Variants in PSMB1 observed in about 807,000 individuals in gnomAD.
PSMB1 encodes proteasome subunit beta type-1.
A neutral mutation model predicts 25.4 loss-of-function variants in PSMB1; 7 were observed. The observed-to-expected ratio is 0.28, with a 90% CI of 0.16 to 0.52. The LOEUF is 0.52. PSMB1 is among the 20% of genes least tolerant of loss of function. The pLI, the probability that PSMB1 is intolerant of heterozygous loss-of-function variation, is 0.97. For missense variants in PSMB1, 284 were observed against 302.2 expected (o/e 0.94, Z 0.45); for synonymous variants, 119 against 115.0 (o/e 1.03, Z -0.22).
At chr6:170,537,101 C>T in intron 5 of PSMB1, 133 bp downstream of exon 5, 1 of 677,768 alleles carries the variant, frequency 1.5e-6, no homozygotes, top group African/African-American at 1.8e-5. Context: ...CAAACTCAAA[C>T]AGTAATTTAT....
At chr6:170,547,371 A>T (rs561468931) in intron 2 of PSMB1, among the ~76,000 whole-genome samples, 1 of 152,256 alleles carries the variant, frequency 6.6e-6, no homozygotes, top group Non-Finnish European at 1.5e-5. Context: ...TGGTATAGAC[A>T]TACAAATTCA....
At chr6:170,553,023 GGCCTGCAGGAGCCCGGGGCAGC>G (rs1457933700) in intron 1 of PSMB1, 85 bp downstream of exon 1, 20 of 963,340 alleles carry the variant, frequency 2.1e-5, no homozygotes, top group Non-Finnish European at 2.8e-5. Flanking sequence ...AGGGTTCTGA[GGCCTGCAGGAGCCCGGGGCAGC>G]GCCATCACGG....
rs1368537639 is a variant in PSMB1, at chr6:170,553,119, G to A, written c.113+11C>T. The stretch of plus-strand genomic sequence containing the variant: ...GCGAAAGTGAAAGCCGCAGCTCTCT[G>A]GGGTTTTTACCCTCCGTTGAAAACG... On this transcript the variant is annotated intron_variant, in intron 1 of 5. Transcript: ENST00000262193. 2 of 1,596,506 alleles carry A rather than the reference G, an allele frequency of 1.3e-6. No homozygotes were observed. The highest frequency in any genetic ancestry group is 1.1e-5 in the South Asian group (1 of 88,984).
Position 170,553,231 on chromosome 6 carries a change from A to G in PSMB1, c.12T>C (p.Ser4=). MLS[S]TAMYSAPGRD... The stretch of plus-strand genomic sequence containing the variant: ...TGCCAGGAGCCGAATACATGGCTGT[A>G]GAGGACAACATCGCACGGCTGCGCC... Residue 4 remains serine, a synonymous_variant, in exon 1 of 6, where the codon TCT becomes TCC. Coordinates refer to ENST00000262193, the MANE Select transcript of PSMB1 (RefSeq NM_002793.4). 1 of 1,611,868 alleles carries G rather than the reference A, an allele frequency of 6.2e-7. No individual in the cohort carries two copies. Among genetic ancestry groups the G allele is most frequent in the South Asian group, 1.1e-5 (1 of 90,680 alleles).
chr6:170,540,508 G>A (rs994804165), intron 4 of PSMB1, among the ~76,000 whole-genome samples: 4 of 149,278 alleles, frequency 2.7e-5, no homozygotes, highest in Admixed American at 2.0e-4. Context: ...CCCAGTTAAC[G>A]GCTGTCAGTT....
intron 1 of PSMB1, among the ~76,000 whole-genome samples, chr6:170,551,843 A>C (rs533439842): frequency 6.6e-6 from 1 of 152,330 alleles, no homozygotes; most frequent in African/African-American, 2.4e-5. Context: ...ATGAGGATTA[A>C]ATAAGATGAC....
Position 170,542,880 on chromosome 6 carries a change from A to C in PSMB1, c.433+721T>G, listed in dbSNP as rs965672039. Reference sequence around the variant, plus strand: ...CTCAATGGACTACTCTAAATGACACAGATGGACTACTTATCCATCTGTGTC... The same window carrying C: ...CTCAATGGACTACTCTAAATGACACCGATGGACTACTTATCCATCTGTGTC... On this transcript the variant is annotated intron_variant, in intron 4 of 5. Coordinates refer to ENST00000262193, the MANE Select transcript of PSMB1 (RefSeq NM_002793.4). Among the ~76,000 whole-genome samples the C allele has an allele frequency of 1.4e-4, 21 of 152,176 alleles. 1 individual carries two copies. Among genetic ancestry groups the C allele is most frequent in the Middle Eastern group, 3.2e-3 (1 of 316 alleles).
chr6:170,549,646 T>C (rs1034683728), intron 1 of PSMB1: 4 of 152,254 alleles, frequency 2.6e-5, no homozygotes, highest in African/African-American at 9.6e-5. Context: ...GCTGTACAAT[T>C]TGACAGCTTA....
At chr6:170,545,249 G>T (rs1275197167) in intron 3 of PSMB1, among the ~76,000 whole-genome samples, 1 of 152,046 alleles carries the variant, frequency 6.6e-6, no homozygotes, top group Non-Finnish European at 1.5e-5. Context: ...TCAGGAAGGG[G>T]TGTGTATTAT....
rs917640408 is a variant in PSMB1 at position 170,553,259 on chromosome 6, C to G, written c.-17G>C. The G allele has an allele frequency of 1.3e-6, 2 of 1,576,332 alleles. No homozygotes were observed. The highest frequency in any genetic ancestry group is 1.7e-6 in the Non-Finnish European group (2 of 1,151,612). ...GGACAACATCGCACGGCTGCGCCTG[C>G]GGATCCGACACTTGCTGTCTCACGG... On this transcript the variant is annotated 5_prime_UTR_variant, in exon 1 of 6. Coordinates refer to ENST00000262193, the MANE Select transcript of PSMB1 (RefSeq NM_002793.4).
chr6:170,544,339 A>G (rs141206906), intron 3 of PSMB1, among the ~76,000 whole-genome samples: 1 of 152,308 alleles, frequency 6.6e-6, no homozygotes, highest in Non-Finnish European at 1.5e-5. Flanking sequence ...ATTTTAATAC[A>G]CAGCAGTGGT....
chr6:170,552,573 C>T (rs1005651666), intron 1 of PSMB1, among the ~76,000 whole-genome samples: 2 of 152,070 alleles, frequency 1.3e-5, no homozygotes, highest in African/African-American at 4.8e-5. Context: ...ATCCCACCTT[C>T]TATTTGAAAT....
intron 2 of PSMB1, among the ~76,000 whole-genome samples, chr6:170,548,071 A>T (rs1188935908): frequency 6.6e-6 from 1 of 152,232 alleles, no homozygotes; most frequent in Non-Finnish European, 1.5e-5. Flanking sequence ...AGAGCACCAT[A>T]AACAGAAAGC....
intron 3 of PSMB1, 71 bp downstream of exon 3, chr6:170,546,032 C>G (rs1010058152): frequency 5.3e-6 from 7 of 1,323,516 alleles, no homozygotes; most frequent in Admixed American, 3.9e-5. Context: ...AACAGTCATG[C>G]TGTAGGCTTA....
chr6:170,545,945 C>A (rs1385454994), intron 3 of PSMB1, among the ~76,000 whole-genome samples, 158 bp downstream of exon 3: 1 of 152,202 alleles, frequency 6.6e-6, no homozygotes, highest in African/African-American at 2.4e-5. Flanking sequence ...AATGACCCTG[C>A]ATTAATGATA....
rs750917791 is a variant in PSMB1, at chr6:170,553,177, G to A, written c.66C>T (p.Ala22=). The A allele has an allele frequency of 1.9e-6, 3 of 1,613,780 alleles. No individual in the cohort carries two copies. Among genetic ancestry groups the A allele is most frequent in the South Asian group, 2.2e-5 (2 of 90,986 alleles). Residue 22 remains alanine (A), a synonymous_variant, in exon 1 of 6, where the codon GCC becomes GCT. Transcript: ENST00000262193. ...AAAATCGCAGCTGCAAAGGGCCCGC[G>A]GCTCTGTGCGGTTCCATCCCCAAGT... ...GRDLGMEPHR[A]AGPLQLRFSP... is the part of the protein sequence containing the mutation.
chr6:170,535,638 C>T (rs980068008), intron 5 of PSMB1, among the ~76,000 whole-genome samples: 2 of 152,142 alleles, frequency 1.3e-5, no homozygotes, highest in Non-Finnish European at 2.9e-5. Flanking sequence ...GCACATGACC[C>T]GGAGAGGTGG....
In PSMB1 at chr6:170,539,943, G is replaced by C. The variant is rs370615172; in HGVS notation, c.434-2603C>G. 4.6e-5 allele frequency among the ~76,000 whole-genome samples: 7 copies of C among 152,248 alleles called. No individual in the cohort carries two copies. In the East Asian group the frequency reaches 5.8e-4, roughly 13 times the overall value. On this transcript the variant is annotated intron_variant, in intron 4 of 5. Coordinates refer to ENST00000262193, the MANE Select transcript of PSMB1 (RefSeq NM_002793.4). The stretch of plus-strand genomic sequence containing the variant: ...CAAAAATCATTATGCATATAGCTTA[G>C]ATCTCCTTGATAATACATAATGTAT...
At chr6:170,539,648 G>T (rs150394363) in intron 4 of PSMB1, among the ~76,000 whole-genome samples, 109 of 152,078 alleles carry the variant, frequency 7.2e-4, no homozygotes, top group Admixed American at 1.6e-3. Context: ...GGGTACTCAG[G>T]GTACTGGCGT....
Sources: allele counts gnomAD v4.1 joint callset (sites outside exome capture counted in the v4.1 genomes callset), GRCh38; gene constraint gnomAD v4.1.1; transcripts MANE v1.5; gene names NCBI Gene and HGNC (gene_info 2026-07-23, HGNC 2026-07-21).